The following LCA5 variants were observed in gnomAD, a reference collection of about 807,000 sequenced individuals.
LCA5 encodes the protein lebercilin LCA5, also known as lebercilin.
Under a neutral mutation model 53.0 loss-of-function variants are expected in LCA5, and 37 were observed. That is an observed-to-expected ratio of 0.70 (90% CI 0.54 to 0.92). LCA5 has a LOEUF of 0.92. Among genes scored for constraint, LCA5 ranks in the 40% least tolerant of loss-of-function variants. LCA5 has a pLI of 0.00. For synonymous variants in LCA5, 303 were observed against 282.9 expected, an observed-to-expected ratio of 1.07 and a Z score of -0.71; for missense variants, 806 against 790.5, an observed-to-expected ratio of 1.02 and a Z score of -0.23.
chr6:79,499,494 A>C (rs1325675010), intron 3 of LCA5, among the ~76,000 whole-genome samples: 1 of 152,038 alleles, frequency 6.6e-6, no homozygotes, highest in African/African-American at 2.4e-5. Flanking sequence ...TAAAGCAAAA[A>C]TAGAAAAATA....
At chr6:79,504,646 G>C (rs1770228840) in intron 3 of LCA5, among the ~76,000 whole-genome samples, 1 of 152,114 alleles carries the variant, frequency 6.6e-6, no homozygotes, top group African/African-American at 2.4e-5. Context: ...ACTATGTATG[G>C]AGAAACTTTT....
At position 79,519,045 on chromosome 6, in the gene LCA5, C is replaced by G. The variant is rs539615768; in HGVS notation, c.-151G>C. 1.2e-6 allele frequency: 1 copy of G among 848,066 alleles called. No homozygotes were observed. The highest frequency in any genetic ancestry group is 1.5e-5 in the South Asian group (1 of 68,040). 52.5% of individuals were successfully genotyped at this position (848,066 alleles called of 1,614,324 possible). A position where few individuals can be genotyped will look rare whatever the true frequency, so the allele number is the denominator to read the frequency against. Reference sequence around the variant, plus strand: ...ATTTTCTCCACAATGTATTTGTAGACCACAATTCACATTGGCATCCAGAAG... The same window carrying G: ...ATTTTCTCCACAATGTATTTGTAGAGCACAATTCACATTGGCATCCAGAAG... On this transcript the variant is annotated 5_prime_UTR_variant, in exon 2 of 8. Transcript: ENST00000369846.
At chr6:79,491,872 A>AAT in intron 5 of LCA5, 142 bp from the exon 6 acceptor site, 1 of 695,050 alleles carries the variant, frequency 1.4e-6, no homozygotes, top group South Asian at 1.7e-5. Flanking sequence ...TTAAATGGAG[A>AAT]ATATATATAT....
chr6:79,522,240 C>T (rs570777941), intron 1 of LCA5, among the ~76,000 whole-genome samples: 1 of 151,990 alleles, frequency 6.6e-6, no homozygotes, highest in African/African-American at 2.4e-5. Flanking sequence ...ATTAAAATGA[C>T]AGAATTAGAC....
rs752262838 is a variant in LCA5 at position 79,497,759 on chromosome 6, G to A, written c.721-4009C>T. 2.6e-5 allele frequency among the ~76,000 whole-genome samples: 4 copies of A among 152,152 alleles called. No homozygotes were observed. The East Asian group carries it at 7.8e-4, about 30-fold the overall frequency. Reference sequence around the variant, plus strand: ...GGAGGCCGACGCGGGCAGATCATGAGGTCAGGAGTTTGAAACCAGCCCGAC... The same window carrying A: ...GGAGGCCGACGCGGGCAGATCATGAAGTCAGGAGTTTGAAACCAGCCCGAC... On this transcript the variant is annotated intron_variant, in intron 3 of 7. Coordinates refer to ENST00000369846, the MANE Select transcript of LCA5 (RefSeq NM_001122769.3).
chr6:79,500,979 T>A (rs190492346), intron 3 of LCA5, among the ~76,000 whole-genome samples: 1 of 152,160 alleles, frequency 6.6e-6, no homozygotes, highest in Non-Finnish European at 1.5e-5. Flanking sequence ...CCAATAAAAT[T>A]AGAGTTATTA....
intron 3 of LCA5, among the ~76,000 whole-genome samples, chr6:79,510,001 T>C (rs1304605575): frequency 6.6e-6 from 1 of 152,182 alleles, no homozygotes; most frequent in African/African-American, 2.4e-5. Flanking sequence ...AAGCTTATTC[T>C]AAAATTTATG....
intron 3 of LCA5, among the ~76,000 whole-genome samples, chr6:79,500,979 T>C (rs190492346): frequency 6.6e-6 from 1 of 152,160 alleles, no homozygotes; most frequent in East Asian, 1.9e-4. Context: ...CCAATAAAAT[T>C]AGAGTTATTA....
intron 6 of LCA5, among the ~76,000 whole-genome samples, chr6:79,490,582 A>G (rs1769810091): frequency 6.6e-6 from 1 of 152,168 alleles, no homozygotes; most frequent in South Asian, 2.1e-4. Flanking sequence ...TGTGATTTCA[A>G]AAAGACAAAT....
intron 2 of LCA5, among the ~76,000 whole-genome samples, chr6:79,514,712 G>A (rs1766377614): frequency 6.6e-6 from 1 of 152,150 alleles, no homozygotes. Flanking sequence ...TTCTTTGCAG[G>A]TTCGTGAATG....
At chr6:79,512,271 T>C (rs1770428145) in intron 3 of LCA5, among the ~76,000 whole-genome samples, 1 of 152,088 alleles carries the variant, frequency 6.6e-6, no homozygotes, top group Non-Finnish European at 1.5e-5. Context: ...ATCTACATAA[T>C]AGGATATCTT....
chr6:79,500,807 T>G (rs542788615), intron 3 of LCA5, among the ~76,000 whole-genome samples: 4 of 151,650 alleles, frequency 2.6e-5, no homozygotes, highest in Admixed American at 2.0e-4. Context: ...GACAGCCCTT[T>G]AAACAATGAA....
intron 2 of LCA5, among the ~76,000 whole-genome samples, chr6:79,516,576 C>T (rs1322483634): frequency 6.6e-6 from 1 of 151,912 alleles, no homozygotes; most frequent in Non-Finnish European, 1.5e-5. Flanking sequence ...TTAGCATATT[C>T]TATAACTACA....
intron 3 of LCA5, 50 bp from the exon 4 acceptor site, chr6:79,493,800 T>C: frequency 1.4e-6 from 2 of 1,439,690 alleles, no homozygotes; most frequent in Non-Finnish European, 1.9e-6. Flanking sequence ...ATTCCAACAA[T>C]GAAACATAAC....
At chr6:79,514,928 G>C (rs1766384149) in intron 2 of LCA5, among the ~76,000 whole-genome samples, 1 of 151,812 alleles carries the variant, frequency 6.6e-6, no homozygotes, top group Non-Finnish European at 1.5e-5. Context: ...CTAATGCCTG[G>C]GTGATGAAAT....
intron 3 of LCA5, among the ~76,000 whole-genome samples, 189 bp from the exon 4 acceptor site, chr6:79,493,939 T>G (rs1413126327): frequency 1.3e-5 from 2 of 152,190 alleles, no homozygotes; most frequent in Admixed American, 6.5e-5. Flanking sequence ...TCAAGCCTGT[T>G]ATTCCTATCT....
At chr6:79,533,370 G>C (rs1767011141) in intron 1 of LCA5, among the ~76,000 whole-genome samples, 1 of 151,878 alleles carries the variant, frequency 6.6e-6, no homozygotes, top group Non-Finnish European at 1.5e-5. Context: ...GGAGTGAGGG[G>C]TACTTGTATG....
chr6:79,491,475 A>C, intron 6 of LCA5, 113 bp downstream of exon 6: 1 of 1,095,872 alleles, frequency 9.1e-7, no homozygotes, highest in Non-Finnish European at 1.4e-6. Flanking sequence ...CTAGTCGCAT[A>C]TTCATATAGA....
intron 7 of LCA5, 60 bp downstream of exon 7, chr6:79,489,024 A>ACT (rs755948708): frequency 2.6e-5 from 41 of 1,582,250 alleles, no homozygotes; most frequent in Non-Finnish European, 3.5e-5. Flanking sequence ...GAAGACGCTC[A>ACT]CTCTTTCTTT....
Sources: gnomAD v4.1 joint callset for allele counts (sites outside exome capture counted in the v4.1 genomes callset) on GRCh38, gnomAD v4.1.1 for gene constraint, MANE v1.5 for transcripts, NCBI Gene and HGNC (gene_info 2026-07-23, HGNC 2026-07-21) for gene names.